The following HCN1 variants were observed in gnomAD, a reference collection of about 807,000 sequenced individuals.
The protein encoded by HCN1 is hyperpolarization activated cyclic nucleotide gated potassium channel 1.
In HCN1, 13 loss-of-function variants were observed where a neutral mutation model predicts 78.9. That is an observed-to-expected ratio of 0.16 (90% confidence interval 0.11 to 0.26). The LOEUF (loss-of-function observed/expected upper bound fraction) is 0.26, where lower values mean the gene tolerates loss of function less well. HCN1 is among the 10% of genes least tolerant of loss of function. HCN1 has a pLI of 1.00. For synonymous variants in HCN1, 552 were observed against 455.5 expected (o/e 1.21, Z -2.70); for missense variants, 810 against 1,154.3 (o/e 0.70, Z 4.32).
At position 45,401,392 on chromosome 5, in the gene HCN1, C is replaced by G. The variant is rs185066080; in HGVS notation, c.1012-4682G>C. Among the ~76,000 whole-genome samples, 48 of 152,170 alleles carry G rather than the reference C, an allele frequency of 3.2e-4. 1 individual carries two copies. The East Asian group carries it at 7.1e-3, about 23-fold the overall frequency. On this transcript the variant is annotated intron_variant, in intron 3 of 7. Coordinates refer to ENST00000303230, the MANE Select transcript of HCN1 (RefSeq NM_021072.4). ...CAATGCCTCCTTGAAGACTGGGTAT[C>G]ACCCCTTTAACTGATATGTGCTATA...
chr5:45,301,716 G>A (rs1745624800), intron 6 of HCN1, among the ~76,000 whole-genome samples: 2 of 128,804 alleles, frequency 1.6e-5, no homozygotes, highest in South Asian at 5.1e-4. Context: ...GAGATACCCT[G>A]TCATTTAAAA....
intron 4 of HCN1, among the ~76,000 whole-genome samples, chr5:45,392,572 C>T (rs922609683): frequency 8.5e-5 from 13 of 152,098 alleles, no homozygotes; most frequent in Non-Finnish European, 4.4e-5. Flanking sequence ...CACGGTGGCT[C>T]ATGCCTGTAA....
intron 2 of HCN1, among the ~76,000 whole-genome samples, chr5:45,573,453 G>A (rs900976515): frequency 6.8e-6 from 1 of 147,896 alleles, no homozygotes; most frequent in South Asian, 2.2e-4. Flanking sequence ...TCCTGAGGAG[G>A]GTTTTCCAAT....
At chr5:45,354,555 T>C (rs548500179) in intron 4 of HCN1, among the ~76,000 whole-genome samples, 2 of 152,190 alleles carry the variant, frequency 1.3e-5, no homozygotes, top group South Asian at 2.1e-4. Context: ...TAATTGATAA[T>C]AGACCTAGCT....
chr5:45,319,986 A>G (rs1746090164), intron 5 of HCN1, among the ~76,000 whole-genome samples: 1 of 151,906 alleles, frequency 6.6e-6, no homozygotes, highest in Admixed American at 6.6e-5. Flanking sequence ...TATTCTAAAC[A>G]GTATATTTCT....
chr5:45,582,386 G>C (rs1392343177), intron 2 of HCN1, among the ~76,000 whole-genome samples: 1 of 152,176 alleles, frequency 6.6e-6, no homozygotes, highest in Non-Finnish European at 1.5e-5. Flanking sequence ...CTGAGACTTT[G>C]CTGAAGTTGC....
chr5:45,459,446 ATATTTTG>A (rs894766703), intron 3 of HCN1, among the ~76,000 whole-genome samples: 4 of 151,276 alleles, frequency 2.6e-5, no homozygotes, highest in Admixed American at 6.6e-5. Context: ...TTCTGGAAAG[ATATTTTG>A]TATAATGTCA....
chr5:45,468,399 T>C (rs546483879), intron 2 of HCN1, among the ~76,000 whole-genome samples: 100 of 152,120 alleles, frequency 6.6e-4, no homozygotes, highest in Non-Finnish European at 1.2e-3. Flanking sequence ...GTTCCTTTAA[T>C]AAACATATAC....
intron 2 of HCN1, among the ~76,000 whole-genome samples, chr5:45,581,486 T>G (rs544660945): frequency 1.3e-5 from 2 of 152,352 alleles, no homozygotes; most frequent in East Asian, 3.9e-4. Flanking sequence ...TTCACTCTGA[T>G]GGCAGTTTCT....
chr5:45,428,112 A>G (rs750038732), intron 3 of HCN1, among the ~76,000 whole-genome samples: 4 of 152,044 alleles, frequency 2.6e-5, no homozygotes, highest in Non-Finnish European at 5.9e-5. Context: ...TTATCTATGG[A>G]TAAAACTCAT....
intron 2 of HCN1, among the ~76,000 whole-genome samples, chr5:45,502,046 G>T (rs767763508): frequency 1.3e-5 from 2 of 152,096 alleles, no homozygotes; most frequent in Non-Finnish European, 2.9e-5. Context: ...ATATCCTTTA[G>T]TGTTTACTAG....
intron 2 of HCN1, among the ~76,000 whole-genome samples, chr5:45,570,610 G>T (rs547985748): frequency 6.6e-6 from 1 of 152,188 alleles, no homozygotes; most frequent in African/African-American, 2.4e-5. Context: ...CAGATCATTT[G>T]ACTTTTATAC....
chr5:45,648,072 C>A (rs181280023), intron 1 of HCN1, among the ~76,000 whole-genome samples: 1 of 152,092 alleles, frequency 6.6e-6, no homozygotes, highest in East Asian at 1.9e-4. Flanking sequence ...TTAAACGAGA[C>A]GATATATGCT....
At chr5:45,590,833 G>T in intron 2 of HCN1, among the ~76,000 whole-genome samples, 1 of 152,022 alleles carries the variant, frequency 6.6e-6, no homozygotes, top group Non-Finnish European at 1.5e-5. Flanking sequence ...TGTATTGGTT[G>T]GTTTGTTTGT....
At chr5:45,572,747 C>T (rs1251419558) in intron 2 of HCN1, among the ~76,000 whole-genome samples, 3 of 152,102 alleles carry the variant, frequency 2.0e-5, no homozygotes, top group South Asian at 2.1e-4. Flanking sequence ...ATTGTGAGCA[C>T]GTACTGGCAC....
At chr5:45,345,934 T>C (rs976912975) in intron 5 of HCN1, among the ~76,000 whole-genome samples, 8 of 152,186 alleles carry the variant, frequency 5.3e-5, no homozygotes, top group Non-Finnish European at 1.0e-4. Context: ...TACTCGAAAA[T>C]GAGTTATTCA....
At chr5:45,359,286 A>G (rs1747065866) in intron 4 of HCN1, among the ~76,000 whole-genome samples, 1 of 151,880 alleles carries the variant, frequency 6.6e-6, no homozygotes, top group Non-Finnish European at 1.5e-5. Flanking sequence ...AAAAATAGCA[A>G]ATTATTAATA....
At chr5:45,486,179 C>T (rs1416209846) in intron 2 of HCN1, among the ~76,000 whole-genome samples, 1 of 152,046 alleles carries the variant, frequency 6.6e-6, no homozygotes, top group African/African-American at 2.4e-5. Context: ...TGTTGAAAGC[C>T]ATATCAAGAC....
intron 2 of HCN1, among the ~76,000 whole-genome samples, chr5:45,572,928 TG>T (rs945791134): frequency 1.9e-4 from 29 of 152,204 alleles, no homozygotes; most frequent in Admixed American, 7.2e-4. Context: ...AGGAAGTGTG[TG>T]GGTAGGGAGG....
Sources: allele counts gnomAD v4.1 joint callset (sites outside exome capture counted in the v4.1 genomes callset), GRCh38; gene constraint gnomAD v4.1.1; transcripts MANE v1.5; gene names NCBI Gene and HGNC (gene_info 2026-07-23, HGNC 2026-07-21).